BRSK2: variants seen among roughly 807,000 people sequenced by gnomAD.
BRSK2 encodes BR serine/threonine kinase 2.
BRSK2 carries 19 observed loss-of-function variants against 83.3 expected under a neutral mutation model. The observed-to-expected ratio is 0.23, with a 90% CI of 0.16 to 0.33. The LOEUF (loss-of-function observed/expected upper bound fraction) is 0.33, where lower values mean the gene tolerates loss of function less well. Ranked by LOEUF, BRSK2 falls within the 10% of genes least tolerant of loss-of-function variation. The pLI, the probability that BRSK2 is intolerant of heterozygous loss-of-function variation, is 1.00. For synonymous variants in BRSK2, 519 were observed against 435.4 expected, an observed-to-expected ratio of 1.19 and a Z score of -2.39; for missense variants, 798 against 1,042.3, an observed-to-expected ratio of 0.77 and a Z score of 3.23.
intron 1 of BRSK2, among the ~76,000 whole-genome samples, chr11:1,419,441 G>A (rs1198573432): frequency 6.6e-6 from 1 of 152,182 alleles, no homozygotes; most frequent in Non-Finnish European, 1.5e-5. Context: ...GTTCTGCTTT[G>A]CTGGGAATTT....
intron 1 of BRSK2, among the ~76,000 whole-genome samples, chr11:1,419,036 C>T (rs529423600): frequency 4.9e-4 from 74 of 152,368 alleles, no homozygotes; most frequent in Middle Eastern, 3.4e-3. Flanking sequence ...TCTGGGAGCT[C>T]CCAGTTACAG....
intron 1 of BRSK2, among the ~76,000 whole-genome samples, chr11:1,420,002 A>C (rs1788787510): frequency 6.9e-6 from 1 of 144,900 alleles, no homozygotes; most frequent in Non-Finnish European, 1.6e-5. Context: ...CTCCTCCCAC[A>C]CCCGGGCACG....
Position 1,390,938 on chromosome 11 carries a change from C to T in BRSK2, c.91+563C>T, listed in dbSNP as rs1054012725. The stretch of plus-strand genomic sequence containing the variant: ...GCCTTGCGCTGCTCCGGCTCGGGCT[C>T]GGGCGGGCGGAGCGTCTGTGACCTG... On this transcript the variant is annotated intron_variant, in intron 1 of 19. Coordinates refer to ENST00000528841, the MANE Select transcript of BRSK2 (RefSeq NM_001256627.2). The surrounding 1 kb of genome is among the most constrained non-coding windows in gnomAD (Gnocchi z 6.8). 1.3e-5 allele frequency among the ~76,000 whole-genome samples: 2 copies of T among 152,170 alleles called. No individual in the cohort carries two copies. The highest frequency in any genetic ancestry group is 4.8e-5 in the African/African-American group (2 of 41,462).
intron 1 of BRSK2, among the ~76,000 whole-genome samples, chr11:1,422,303 G>T (rs1459228171): frequency 2.0e-5 from 3 of 152,172 alleles, no homozygotes; most frequent in African/African-American, 7.2e-5. Flanking sequence ...GTCCCAGGTG[G>T]GGCCTGCCCT....
chr11:1,453,633 A>G (rs911706487), intron 15 of BRSK2, among the ~76,000 whole-genome samples: 1 of 152,348 alleles, frequency 6.6e-6, no homozygotes, highest in East Asian at 1.9e-4. Context: ...CAGGCCGCAC[A>G]GTGGCCGAGG....
At chr11:1,456,829 T>G (rs1590703901) in intron 18 of BRSK2, 142 bp downstream of exon 18, 1 of 1,330,290 alleles carries the variant, frequency 7.5e-7, no homozygotes, top group Non-Finnish European at 1.0e-6. Context: ...TGCCCCGAGC[T>G]GTGGCTGCAC....
intron 12 of BRSK2, among the ~76,000 whole-genome samples, chr11:1,446,305 G>A (rs1035860381): frequency 6.6e-6 from 1 of 151,104 alleles, no homozygotes; most frequent in African/African-American, 2.4e-5. Flanking sequence ...GGGCTGAGCT[G>A]GGCTAGGCTG....
intron 1 of BRSK2, among the ~76,000 whole-genome samples, chr11:1,425,590 T>C (rs1849121795): frequency 1.3e-5 from 2 of 152,094 alleles, no homozygotes; most frequent in Non-Finnish European, 2.9e-5. Context: ...CCGTGCAGCC[T>C]GGGCCAGGGG....
chr11:1,434,911 G>C (rs1419898241), intron 1 of BRSK2, among the ~76,000 whole-genome samples: 2 of 152,118 alleles, frequency 1.3e-5, no homozygotes, highest in African/African-American at 4.8e-5. Context: ...GCTCAGGCCA[G>C]GTGGGGCTCA....
At chr11:1,446,059 TGGGCTGGGCTTGGCTG>T (rs1852018613) in intron 12 of BRSK2, 152 bp downstream of exon 12, 20 of 228,970 alleles carry the variant, frequency 8.7e-5, no homozygotes, top group Middle Eastern at 2.0e-3. Context: ...TGGGCTGGGC[TGGGCTGGGCTTGGCTG>T]GGCTGGGCTG....
intron 1 of BRSK2, among the ~76,000 whole-genome samples, chr11:1,416,367 G>A (rs988492681): frequency 3.3e-5 from 5 of 152,152 alleles, no homozygotes; most frequent in Admixed American, 6.5e-5. Context: ...AAAATCCGCT[G>A]TTTTGCAGGG....
rs779137647 is a variant in BRSK2, at chr11:1,442,479, C to A, written c.414-11C>A. On this transcript the variant is annotated splice_polypyrimidine_tract_variant and intron_variant, in intron 4 of 19. Coordinates refer to ENST00000528841, the MANE Select transcript of BRSK2 (RefSeq NM_001256627.2). Reference sequence around the variant, plus strand: ...ACTGGCCCTGTTCAGCCTCACCACCCTCCTCCCCAGCCACAGGGATCTGAA... The same window carrying A: ...ACTGGCCCTGTTCAGCCTCACCACCATCCTCCCCAGCCACAGGGATCTGAA... The A allele has an allele frequency of 1.4e-5, 23 of 1,608,238 alleles. No individual in the cohort carries two copies. Among genetic ancestry groups the A allele is most frequent in the Non-Finnish European group, 1.9e-5 (22 of 1,175,914 alleles).
In BRSK2 at chr11:1,454,191, A is replaced by ACCTGTGGGGGGCTCACCTGTGGC. The variant is rs1554914766; in HGVS notation, c.1545-294_1545-293insCCTGTGGGGGGCTCACCTGTGGC. On this transcript the variant is annotated intron_variant, in intron 15 of 19. Transcript: ENST00000528841. The surrounding 1 kb of genome is among the most constrained non-coding windows in gnomAD (Gnocchi z 5.2). ...TCACCTGTGGGGGGCTCACCTGTGG[A>ACCTGTGGGGGGCTCACCTGTGGC]GGGGCATCCCCAGACTTGGGAGTGG... The ACCTGTGGGGGGCTCACCTGTGGC allele has an allele frequency of 1.1e-5, 2 of 179,006 alleles. No individual in the cohort carries two copies. Among genetic ancestry groups the ACCTGTGGGGGGCTCACCTGTGGC allele is most frequent in the African/African-American group, 1.0e-4 (2 of 20,030 alleles). 11.1% of individuals were successfully genotyped at this position (179,006 alleles called of 1,614,324 possible). A position where few individuals can be genotyped will look rare whatever the true frequency, so the allele number is the denominator to read the frequency against.
chr11:1,459,340 C>T, intron 19 of BRSK2, 101 bp downstream of exon 19: 1 of 1,392,868 alleles, frequency 7.2e-7, no homozygotes, highest in Non-Finnish European at 1.0e-6. Flanking sequence ...GTCCCGGCCT[C>T]CCTGTGTAGA....
rs920842780 is a variant in BRSK2 at position 1,460,898 on chromosome 11, C to T, written c.*175C>T. ...GGCCTGTGGGCTGCGCCACCCGCGC[C>T]CGCTCTCTTTTCTCTCTGTCTCTGC... is the stretch of plus-strand genomic sequence containing the variant. On this transcript the variant is annotated 3_prime_UTR_variant, in exon 20 of 20. Transcript: ENST00000528841. 4.4e-6 allele frequency: 7 copies of T among 1,607,516 alleles called. No individual in the cohort carries two copies. Among genetic ancestry groups the T allele is most frequent in the Non-Finnish European group, 2.5e-6 (3 of 1,177,702 alleles).
intron 15 of BRSK2, among the ~76,000 whole-genome samples, chr11:1,452,188 G>C (rs749634516): frequency 1.3e-5 from 2 of 152,198 alleles, no homozygotes; most frequent in Admixed American, 1.3e-4. Flanking sequence ...GAGAACCTTC[G>C]TCCTGCTGCT....
Position 1,443,489 on chromosome 11 carries a change from G to T in BRSK2, c.634G>T (p.Gly212Trp). ...GACCCCCACACCCGGCCGCCCGCAG[G>T]GGGCTCTGCCCTTCGACGATGACAA... ...CGVILFALLVGALPFDDDNLR... is the reference protein window; with the variant it reads ...CGVILFALLVWALPFDDDNLR... The change falls in exon 8 of 20, where the codon GGG (glycine) becomes TGG (tryptophan). Residue 212 changes from glycine (G) to tryptophan (W), a missense_variant and splice_region_variant. Around this residue, in one of 6 missense-constraint regions of BRSK2, gnomAD observed 109 missense variants for 259.2 expected, o/e 0.42. Transcript: ENST00000528841. 1 of 1,592,554 alleles carries T rather than the reference G, an allele frequency of 6.3e-7. No individual in the cohort carries two copies.
intron 1 of BRSK2, among the ~76,000 whole-genome samples, chr11:1,402,714 A>G (rs992144631): frequency 4.6e-5 from 7 of 152,190 alleles, no homozygotes; most frequent in African/African-American, 1.7e-4. Context: ...AGAAAAGGCC[A>G]CTGAGGCCCA....
intron 1 of BRSK2, among the ~76,000 whole-genome samples, chr11:1,424,664 C>T (rs1012953052): frequency 7.2e-5 from 11 of 152,200 alleles, no homozygotes; most frequent in African/African-American, 1.9e-4. Flanking sequence ...CCATTCCTCC[C>T]GTGCTTCACC....
Sources: gnomAD v4.1 joint callset for allele counts (sites outside exome capture counted in the v4.1 genomes callset) on GRCh38, gnomAD v4.1.1 for gene constraint, gnomAD v4.1.1 regional missense constraint, Gnocchi (gnomAD v3.1) non-coding constraint, MANE v1.5 for transcripts, NCBI Gene and HGNC (gene_info 2026-07-23, HGNC 2026-07-21) for gene names.